The following BMPR1A variants were observed in gnomAD, a reference collection of about 807,000 sequenced individuals.
BMPR1A encodes bone morphogenetic protein receptor type 1A, also known as bone morphogenetic protein receptor type-1A.
In BMPR1A, 7 loss-of-function variants were observed where a neutral mutation model predicts 66.0. The observed-to-expected ratio is 0.11, with a 90% CI of 0.06 to 0.20. The LOEUF (loss-of-function observed/expected upper bound fraction) is 0.20. Ranked by LOEUF, BMPR1A falls within the 10% of genes least tolerant of loss-of-function variation. BMPR1A has a pLI of 1.00. For missense variants in BMPR1A, 408 were observed against 669.1 expected, an observed-to-expected ratio of 0.61 and a Z score of 4.31; for synonymous variants, 200 against 229.7, an observed-to-expected ratio of 0.87 and a Z score of 1.17.
intron 2 of BMPR1A, among the ~76,000 whole-genome samples, chr10:86,850,744 G>A (rs751514548): frequency 1.3e-5 from 2 of 152,088 alleles, no homozygotes; most frequent in Non-Finnish European, 2.9e-5. Context: ...TGATCCTCCT[G>A]CCTCAGCCTC....
chr10:86,782,488 A>G (rs1841452302), intron 1 of BMPR1A, among the ~76,000 whole-genome samples: 1 of 151,848 alleles, frequency 6.6e-6, no homozygotes, highest in Admixed American at 6.6e-5. Flanking sequence ...ATCCTTGCCA[A>G]CACTTGGTTT....
intron 4 of BMPR1A, 89 bp downstream of exon 4, chr10:86,890,313 T>A: frequency 6.6e-7 from 1 of 1,518,102 alleles, no homozygotes; most frequent in Non-Finnish European, 9.1e-7. Context: ...TGTCTGCGGT[T>A]TTTTTTTCAT....
chr10:86,857,306 C>G (rs531966269), intron 2 of BMPR1A, among the ~76,000 whole-genome samples: 2 of 152,040 alleles, frequency 1.3e-5, no homozygotes, highest in Non-Finnish European at 2.9e-5. Context: ...CCATGAGGCT[C>G]GTGAGTAACA....
chr10:86,800,769 G>T (rs17297739), intron 1 of BMPR1A, among the ~76,000 whole-genome samples: 11,493 of 152,266 alleles, frequency 0.075, 528 homozygotes, highest in Non-Finnish European at 0.081. Flanking sequence ...ATTTATATCT[G>T]TCAAAAGTCC....
chr10:86,826,557 T>C (rs1564696534), intron 1 of BMPR1A, among the ~76,000 whole-genome samples: 1 of 152,192 alleles, frequency 6.6e-6, no homozygotes, highest in Non-Finnish European at 1.5e-5. Context: ...TTTTTCCTTT[T>C]CTTATATAAG....
intron 2 of BMPR1A, chr10:86,843,348 C>G (rs1306987723): frequency 6.6e-6 from 1 of 152,104 alleles, no homozygotes; most frequent in East Asian, 1.9e-4. Context: ...TGCTTTGACT[C>G]TAAATATATG....
Position 86,922,787 on chromosome 10 carries a change from G to A in BMPR1A, c.1343-589G>A, listed in dbSNP as rs570280730. Among the ~76,000 whole-genome samples the A allele has an allele frequency of 2.6e-5, 4 of 152,366 alleles. No individual in the cohort carries two copies. The South Asian group carries it at 8.3e-4, about 32-fold the overall frequency. ...CCTGGCATGTACCAGAATTCCAGCA[G>A]GAAAGCAGACGTGCAGTACACACCA... On this transcript the variant is annotated intron_variant, in intron 11 of 12. Coordinates refer to ENST00000372037, the MANE Select transcript of BMPR1A (RefSeq NM_004329.3).
At chr10:86,889,233 C>T (rs773291151) in intron 3 of BMPR1A, among the ~76,000 whole-genome samples, 9 of 152,172 alleles carry the variant, frequency 5.9e-5, no homozygotes, top group Non-Finnish European at 8.8e-5. Context: ...GAACATAGTT[C>T]TATTTCTGTG....
At chr10:86,798,697 T>C (rs550944177) in intron 1 of BMPR1A, among the ~76,000 whole-genome samples, 2 of 152,358 alleles carry the variant, frequency 1.3e-5, no homozygotes, top group African/African-American at 4.8e-5. Flanking sequence ...ACCTTTCCAA[T>C]TGTATTGAGA....
rs1309682529 is a variant in BMPR1A, at chr10:86,870,371, C to T, written c.-152-5496C>T. On this transcript the variant is annotated intron_variant, in intron 2 of 12. Transcript: ENST00000372037. ...CCACAGATGTGGGAATCTTCTTTGA[C>T]GCCTCACTTTCCCTTACCCTACATT... 6.6e-5 allele frequency among the ~76,000 whole-genome samples: 10 copies of T among 152,272 alleles called. No homozygotes were observed. The East Asian group carries it at 7.7e-4, about 12-fold the overall frequency.
chr10:86,823,719 A>G (rs1237659904), intron 1 of BMPR1A, among the ~76,000 whole-genome samples: 4 of 152,134 alleles, frequency 2.6e-5, no homozygotes, highest in East Asian at 1.9e-4. Flanking sequence ...CTGCTTCACA[A>G]CCATAGAATC....
rs1843696315 is a variant in BMPR1A at position 86,923,457 on chromosome 10, G to A, written c.1424G>A (p.Cys475Tyr). ...TACGAAGATATGCGTGAGGTTGTGTGTGTCAAACGTTTGCGGCCAATTGTG... is the reference window on the plus strand; with the variant it reads ...TACGAAGATATGCGTGAGGTTGTGTATGTCAAACGTTTGCGGCCAATTGTG... ...PSYEDMREVV[C>Y]VKRLRPIVSN... is the part of the protein sequence containing the mutation. Residue 475 changes from cysteine to tyrosine, a missense_variant, in exon 12 of 13, where the codon TGT (cysteine) becomes TAT (tyrosine). Coordinates refer to ENST00000372037, the MANE Select transcript of BMPR1A (RefSeq NM_004329.3). The A allele has an allele frequency of 6.2e-7, 1 of 1,614,232 alleles. No individual in the cohort carries two copies. The highest frequency in any genetic ancestry group is 8.5e-7 in the Non-Finnish European group (1 of 1,180,032).
intron 2 of BMPR1A, chr10:86,843,355 T>C (rs1367626113): frequency 6.6e-6 from 1 of 152,180 alleles, no homozygotes; most frequent in African/African-American, 2.4e-5. Context: ...ACTCTAAATA[T>C]ATGTCTTTTC....
chr10:86,927,111 G>A lies in BMPR1A; in HGVS notation c.*3392G>A, dbSNP rs12572023. 532 of 186,042 alleles carry A rather than the reference G, an allele frequency of 2.9e-3. 6 individuals are homozygous for A. In the East Asian group the frequency reaches 0.029, roughly 10 times the overall value. The allele number at this position is 186,042 out of a possible 1,614,324, so 11.5% of individuals were successfully genotyped here. On this transcript the variant is annotated 3_prime_UTR_variant, in exon 13 of 13. Transcript: ENST00000372037. ...TTTTAAAATTATGTTTTCCTAGAAC[G>A]TGCCAAATTTTGATTTACTCTAACA...
At chr10:86,902,573 C>T (rs1189889171) in intron 7 of BMPR1A, among the ~76,000 whole-genome samples, 3 of 152,162 alleles carry the variant, frequency 2.0e-5, no homozygotes, top group South Asian at 2.1e-4. Context: ...TGTTAGGGCC[C>T]AGTGAAATGG....
Position 86,856,263 on chromosome 10 carries a change from A to C in BMPR1A, c.-153+17284A>C, listed in dbSNP as rs150146345. 1.1e-3 allele frequency: 550 copies of C among 520,376 alleles called. 3 individuals carry two copies. The highest frequency in any genetic ancestry group is 9.6e-3 in the African/African-American group (498 of 51,716). The allele number at this position is 520,376 out of a possible 1,614,324, so 32.2% of individuals were successfully genotyped here. ...CTTTTAGAAGCATCTTCTTGTTTCA[A>C]AGTACTTGTCTGTTTAGTACCTGTG... is the stretch of plus-strand genomic sequence containing the variant. On this transcript the variant is annotated intron_variant, in intron 2 of 12. Transcript: ENST00000372037.
In BMPR1A at chr10:86,857,772, G is replaced by A. The variant is rs1412445105; in HGVS notation, c.-152-18095G>A. Among the ~76,000 whole-genome samples, 7 of 151,046 alleles carry A rather than the reference G, an allele frequency of 4.6e-5. No individual in the cohort carries two copies. In the East Asian group the frequency reaches 1.2e-3, roughly 25 times the overall value. On this transcript the variant is annotated intron_variant, in intron 2 of 12. Coordinates refer to ENST00000372037, the MANE Select transcript of BMPR1A (RefSeq NM_004329.3). ...GATCCAAAAAAAAAAAAAAAACAAG[G>A]AGAAAGCTGCAGTGCCTTTTAAGAC...
At chr10:86,892,087 G>T in intron 4 of BMPR1A, 40 bp from the exon 5 acceptor site, 1 of 1,529,278 alleles carries the variant, frequency 6.5e-7, no homozygotes, top group Non-Finnish European at 9.0e-7. Context: ...CTTTCTATGT[G>T]AATTTATGTT....
chr10:86,859,077 T>C (rs1842680779), intron 2 of BMPR1A, among the ~76,000 whole-genome samples: 1 of 152,080 alleles, frequency 6.6e-6, no homozygotes. Flanking sequence ...AACCAGACAG[T>C]AGACCAATTG....
Sources: allele counts gnomAD v4.1 joint callset (sites outside exome capture counted in the v4.1 genomes callset), GRCh38; gene constraint gnomAD v4.1.1; transcripts MANE v1.5; gene names NCBI Gene and HGNC (gene_info 2026-07-23, HGNC 2026-07-21).